The following MROH9 variants were observed in gnomAD, a reference collection of about 807,000 sequenced individuals.
MROH9 encodes maestro heat-like repeat-containing protein family member 9.
A neutral mutation model predicts 98.2 loss-of-function variants in MROH9; 92 were observed. The observed-to-expected ratio is 0.94, with a 90% CI of 0.79 to 1.11. The LOEUF is 1.11. Ranked by LOEUF, MROH9 falls within the 50% of genes most tolerant of loss-of-function variation. MROH9 has a pLI of 0.00. For synonymous variants in MROH9, 397 were observed against 368.9 expected (o/e 1.08, Z -0.87); for missense variants, 1,057 against 1,014.8 (o/e 1.04, Z -0.57).
At chr1:170,951,590 G>A (rs952905377) in intron 3 of MROH9, among the ~76,000 whole-genome samples, 1 of 152,102 alleles carries the variant, frequency 6.6e-6, no homozygotes, top group Non-Finnish European at 1.5e-5. Context: ...ATTGAGACAT[G>A]TCTGGGCCAC....
At chr1:170,944,813 G>A (rs527380965) in intron 1 of MROH9, among the ~76,000 whole-genome samples, 10 of 152,072 alleles carry the variant, frequency 6.6e-5, no homozygotes, top group Non-Finnish European at 8.8e-5. Context: ...TAGTATCCAC[G>A]TCTTATATCA....
intron 20 of MROH9, among the ~76,000 whole-genome samples, chr1:171,030,828 T>C (rs987970558): frequency 5.9e-5 from 9 of 152,196 alleles, no homozygotes; most frequent in African/African-American, 2.2e-4. Context: ...CGAGTTCAAG[T>C]CCTGAATATC....
At chr1:171,036,870 G>A (rs1653115614) in intron 20 of MROH9, among the ~76,000 whole-genome samples, 1 of 150,930 alleles carries the variant, frequency 6.6e-6, no homozygotes, top group Admixed American at 6.6e-5. Flanking sequence ...ATGGATGAAA[G>A]CAGACACTAC....
Position 170,998,565 on chromosome 1 carries a change from T to C in MROH9, c.1596+291T>C, listed in dbSNP as rs1011159630. On this transcript the variant is annotated intron_variant, in intron 15 of 21. Coordinates refer to ENST00000367759, the MANE Select transcript of MROH9 (RefSeq NM_001163629.2). ...GACCAGTTTATATATTTCTGCATGA[T>C]TGTTAAAGTATATTGAGGGATAATT... 11 of 1,383,804 alleles carry C rather than the reference T, an allele frequency of 7.9e-6. No individual in the cohort carries two copies. In the African/African-American group the frequency reaches 1.2e-4, roughly 15 times the overall value. 85.7% of individuals were successfully genotyped at this position (1,383,804 alleles called of 1,614,324 possible).
intron 9 of MROH9, among the ~76,000 whole-genome samples, chr1:170,984,378 T>C (rs961699498): frequency 3.3e-5 from 5 of 152,210 alleles, no homozygotes; most frequent in South Asian, 2.1e-4. Flanking sequence ...AAATACTGCA[T>C]AGCTGTCTTA....
chr1:171,036,759 A>T (rs1447287362), intron 20 of MROH9, among the ~76,000 whole-genome samples: 1 of 151,402 alleles, frequency 6.6e-6, no homozygotes, highest in Non-Finnish European at 1.5e-5. Flanking sequence ...CGCTATCTTT[A>T]CACTCACCAG....
chr1:170,965,730 T>C (rs986645747), intron 7 of MROH9, among the ~76,000 whole-genome samples: 1 of 152,122 alleles, frequency 6.6e-6, no homozygotes. Flanking sequence ...TCCTTAGCCA[T>C]GTCAGCATGA....
chr1:171,052,947 G>A (rs908665764), intron 20 of MROH9, among the ~76,000 whole-genome samples: 1 of 152,114 alleles, frequency 6.6e-6, no homozygotes, highest in Non-Finnish European at 1.5e-5. Context: ...GCAGGAATGG[G>A]ATTCTCTCTC....
rs367595350 is a variant in MROH9 at position 171,030,205 on chromosome 1, G to A, written c.2281+4785G>A. Among the ~76,000 whole-genome samples, 32 of 151,974 alleles carry A rather than the reference G, an allele frequency of 2.1e-4. No homozygotes were observed. The East Asian group carries it at 6.0e-3, about 28-fold the overall frequency. On this transcript the variant is annotated intron_variant, in intron 20 of 21. Transcript: ENST00000367759. ...TTTTTTTTCTACATTAGTTTAGCTA[G>A]TAGTCTATTTTGTTAGTCTTTTTGA... is the stretch of plus-strand genomic sequence containing the variant.
At chr1:170,948,647 T>C (rs1026268083) in intron 3 of MROH9, among the ~76,000 whole-genome samples, 2 of 152,016 alleles carry the variant, frequency 1.3e-5, no homozygotes, top group Non-Finnish European at 2.9e-5. Flanking sequence ...TATAGTCCAA[T>C]GGGAGAGATT....
At chr1:170,994,544 A>G (rs9427212) in intron 12 of MROH9, among the ~76,000 whole-genome samples, 44,390 of 152,050 alleles carry the variant, frequency 0.29, 8,958 homozygotes, top group African/African-American at 0.58. Flanking sequence ...AGCATATAAT[A>G]TAAAATACGC....
intron 15 of MROH9, among the ~76,000 whole-genome samples, chr1:171,007,606 G>A (rs565590064): frequency 4.7e-4 from 72 of 152,312 alleles, no homozygotes; most frequent in Non-Finnish European, 9.4e-4. Context: ...TCAAGGTACA[G>A]GACCTTTCCG....
At chr1:171,039,858 GC>G (rs960756909) in intron 20 of MROH9, among the ~76,000 whole-genome samples, 5 of 152,076 alleles carry the variant, frequency 3.3e-5, no homozygotes, top group Admixed American at 3.3e-4. Context: ...AAATTGCTAA[GC>G]CCATGCTCCA....
intron 1 of MROH9, among the ~76,000 whole-genome samples, chr1:170,939,363 C>A (rs1237186854): frequency 6.6e-6 from 1 of 152,176 alleles, no homozygotes; most frequent in Non-Finnish European, 1.5e-5. Context: ...TGGGGTTTTG[C>A]CCACTGGGAG....
intron 20 of MROH9, 74 bp from the exon 21 acceptor site, chr1:171,062,058 G>A: frequency 3.2e-6 from 3 of 933,380 alleles, no homozygotes; most frequent in Admixed American, 2.3e-5. Flanking sequence ...AGCAAAGAAG[G>A]TAGCCAGATA....
rs748997038 is a variant in MROH9 at position 170,965,176 on chromosome 1, A to C, written c.401A>C (p.Asp134Ala). Residue 134 changes from aspartate (D) to alanine (A), a missense_variant, in exon 7 of 22, where the codon GAT (aspartate) becomes GCT (alanine). Asp to Ala is a moderately radical substitution (Grantham distance 126). Transcript: ENST00000367759. ...GAAATGCTCGTGTGGATGAGTAAAGATAGCTCATATCTGCAAGAGAGAATA... is the reference window on the plus strand; with the variant it reads ...GAAATGCTCGTGTGGATGAGTAAAGCTAGCTCATATCTGCAAGAGAGAATA... The part of the protein sequence containing the change: ...LKEMLVWMSK[D>A]SSYLQERIMV... 6.2e-7 allele frequency: 1 copy of C among 1,610,888 alleles called. No homozygotes were observed.
At chr1:171,026,707 A>G (rs1460353605) in intron 20 of MROH9, among the ~76,000 whole-genome samples, 3 of 152,208 alleles carry the variant, frequency 2.0e-5, no homozygotes, top group Non-Finnish European at 4.4e-5. Flanking sequence ...AAACAGCATT[A>G]TCTTTCTACA....
intron 15 of MROH9, among the ~76,000 whole-genome samples, chr1:171,002,889 T>C (rs1651828241): frequency 6.6e-6 from 1 of 152,212 alleles, no homozygotes; most frequent in Non-Finnish European, 1.5e-5. Context: ...GGAATACCAA[T>C]TATTCTTAGG....
At chr1:170,998,720 A>G (rs1280363839) in intron 15 of MROH9, 12 of 1,017,130 alleles carry the variant, frequency 1.2e-5, no homozygotes, top group Non-Finnish European at 1.4e-5. Flanking sequence ...GTATATCAAT[A>G]TTGTGCCATG....
Sources: allele counts gnomAD v4.1 joint callset (sites outside exome capture counted in the v4.1 genomes callset), GRCh38; gene constraint gnomAD v4.1.1; transcripts MANE v1.5; gene names NCBI Gene and HGNC (gene_info 2026-07-23, HGNC 2026-07-21).